ANKRD36C: variants seen among roughly 807,000 people sequenced by gnomAD.
ANKRD36C encodes the protein ankyrin repeat domain 36C, also known as ankyrin repeat domain-containing protein 36C.
In ANKRD36C, 61 loss-of-function variants were observed where a neutral mutation model predicts 276.4. The observed-to-expected ratio is 0.22, with a 90% confidence interval of 0.18 to 0.27. ANKRD36C has a LOEUF of 0.27. Ranked by LOEUF, ANKRD36C falls within the 10% of genes least tolerant of loss-of-function variation. ANKRD36C has a pLI of 1.00. For missense variants in ANKRD36C, 1,447 were observed against 2,032.3 expected, an observed-to-expected ratio of 0.71 and a Z score of 5.54; for synonymous variants, 483 against 680.1, an observed-to-expected ratio of 0.71 and a Z score of 4.51.
At chr2:95,930,504 T>C (rs796484558) in intron 24 of ANKRD36C, among the ~76,000 whole-genome samples, 1 of 151,682 alleles carries the variant, frequency 6.6e-6, no homozygotes, top group Non-Finnish European at 1.5e-5. Flanking sequence ...GCAGTTCAAC[T>C]TTCTCACTGT....
At chr2:95,872,795 G>A (rs979105092) in intron 59 of ANKRD36C, among the ~76,000 whole-genome samples, 1 of 152,188 alleles carries the variant, frequency 6.6e-6, no homozygotes, top group African/African-American at 2.4e-5. Context: ...AGAAAAGAGA[G>A]AAGAATCAAA....
At chr2:95,976,456 T>C (rs1431313185) in intron 6 of ANKRD36C, among the ~76,000 whole-genome samples, 1 of 152,176 alleles carries the variant, frequency 6.6e-6, no homozygotes, top group African/African-American at 2.4e-5. Flanking sequence ...TGCCAGACTT[T>C]TGTTTCAGAA....
intron 42 of ANKRD36C, among the ~76,000 whole-genome samples, chr2:95,911,720 G>T (rs1443393236): frequency 1.3e-5 from 2 of 151,428 alleles, no homozygotes; most frequent in Non-Finnish European, 1.5e-5. Context: ...GTTCACTCAG[G>T]ATTCCTCCGC....
rs576880168 is a variant in ANKRD36C at position 95,908,464 on chromosome 2, T to C, written c.2653+3780A>G. The C allele has an allele frequency of 6.2e-6, 9 of 1,461,980 alleles. No homozygotes were observed. The East Asian group carries it at 2.3e-4, about 37-fold the overall frequency. 90.6% of individuals were successfully genotyped at this position (1,461,980 alleles called of 1,614,324 possible). ...CACGGAAGAGAATTTCTTATCTATC[T>C]GGACTGAACATGACATTAAATCTCT... is the stretch of plus-strand genomic sequence containing the variant. On this transcript the variant is annotated intron_variant, in intron 42 of 66. Transcript: ENST00000456556.
chr2:95,965,104 C>T (rs1364304198), intron 6 of ANKRD36C, among the ~76,000 whole-genome samples: 1 of 151,904 alleles, frequency 6.6e-6, no homozygotes, highest in Non-Finnish European at 1.5e-5. Context: ...GAGATCCTTA[C>T]TAGATCCAAG....
At chr2:95,954,451 T>A (rs1436904568) in intron 13 of ANKRD36C, among the ~76,000 whole-genome samples, 2 of 152,306 alleles carry the variant, frequency 1.3e-5, no homozygotes, top group East Asian at 3.9e-4. Flanking sequence ...ATTATCTATT[T>A]CTGATTCAAA....
chr2:95,919,581 A>T lies in ANKRD36C; in HGVS notation c.2246-1539T>A, dbSNP rs1475071334. On this transcript the variant is annotated intron_variant, in intron 34 of 66. Transcript: ENST00000456556. ...GCCAACAGCATTAGCGTCTCCCAAG[A>T]AATTTATTACAAATGAAAAATCTCA... 1.5e-5 allele frequency among the ~76,000 whole-genome samples: 2 copies of T among 131,610 alleles called. 1 individual carries two copies. The highest frequency in any genetic ancestry group is 5.4e-4 in the East Asian group (2 of 3,712). 86.3% of individuals were successfully genotyped at this position (131,610 alleles called of 152,430 possible).
At chr2:95,909,163 G>C (rs1329331217) in intron 42 of ANKRD36C, among the ~76,000 whole-genome samples, 1 of 126,500 alleles carries the variant, frequency 7.9e-6, no homozygotes, top group Non-Finnish European at 1.7e-5. Context: ...ACACAATTAC[G>C]ACGACAATTC....
At chr2:95,937,583 C>T (rs1285452945) in intron 22 of ANKRD36C, among the ~76,000 whole-genome samples, 2 of 152,170 alleles carry the variant, frequency 1.3e-5, no homozygotes, top group Admixed American at 6.5e-5. Flanking sequence ...TTATAGGGCC[C>T]AACAAAGGGG....
At chr2:95,916,287 G>A in intron 36 of ANKRD36C, 116 bp from the exon 39 acceptor site, 2 of 1,520,302 alleles carry the variant, frequency 1.3e-6, no homozygotes, top group Non-Finnish European at 1.8e-6. Context: ...TGGAGGCTTT[G>A]ATGGCTTCTA....
Position 95,910,312 on chromosome 2 carries a change from G to C in ANKRD36C, c.2653+1932C>G, listed in dbSNP as rs917906633. 4.6e-5 allele frequency: 68 copies of C among 1,480,410 alleles called. No individual in the cohort carries two copies. The African/African-American group carries it at 8.2e-4, about 18-fold the overall frequency. 91.7% of individuals were successfully genotyped at this position (1,480,410 alleles called of 1,614,324 possible). On this transcript the variant is annotated intron_variant, in intron 42 of 66. Coordinates refer to ENST00000456556, the Ensembl canonical transcript of ANKRD36C. ...GACGAGCCACCCGCTGCTTTATTTG[G>C]AGAAGAGAACTTCTTATCTATCTGG...
rs1430764791 is a variant in ANKRD36C at position 95,890,141 on chromosome 2, C to T, written c.2858-147G>A. On this transcript the variant is annotated intron_variant, in intron 46 of 66. Transcript: ENST00000456556. The stretch of plus-strand genomic sequence containing the variant: ...TTCTATATTGTGTCGGGGACAAGAA[C>T]ATGACAGAAGTACACTGAAAAAAGG... 8.0e-6 allele frequency: 9 copies of T among 1,120,682 alleles called. No homozygotes were observed. The African/African-American group carries it at 1.4e-4, about 18-fold the overall frequency. The allele number at this position is 1,120,682 out of a possible 1,614,324, so 69.4% of individuals were successfully genotyped here.
intron 6 of ANKRD36C, among the ~76,000 whole-genome samples, chr2:95,966,173 TA>T (rs1678587135): frequency 6.6e-6 from 1 of 152,236 alleles, no homozygotes; most frequent in Non-Finnish European, 1.5e-5. Flanking sequence ...TTAGTTTAAT[TA>T]GATCCCATTT....
intron 34 of ANKRD36C, among the ~76,000 whole-genome samples, chr2:95,919,343 T>C (rs72931783): frequency 0.015 from 1,967 of 133,202 alleles, 264 homozygotes; most frequent in African/African-American, 0.048. Flanking sequence ...TTAATATCAG[T>C]TTTCTGTCTT....
chr2:95,967,648 G>A (rs982148665), intron 6 of ANKRD36C, among the ~76,000 whole-genome samples: 5 of 151,160 alleles, frequency 3.3e-5, no homozygotes, highest in Non-Finnish European at 5.9e-5. Context: ...GCATATACTC[G>A]GTGTGTGTGT....
At chr2:95,914,210 T>C in intron 39 of ANKRD36C, 30 bp from the exon 42 acceptor site, 1 of 1,569,258 alleles carries the variant, frequency 6.4e-7, no homozygotes, top group Non-Finnish European at 8.7e-7. Flanking sequence ...AAATAATAAG[T>C]TAATAAAGTA....
At chr2:95,957,045 G>C (rs1678344190) in intron 12 of ANKRD36C, among the ~76,000 whole-genome samples, 1 of 152,094 alleles carries the variant, frequency 6.6e-6, no homozygotes, top group African/African-American at 2.4e-5. Flanking sequence ...GCAGGGCTCG[G>C]TGGGTCACGC....
At chr2:95,873,190 C>T (rs1675857118) in intron 59 of ANKRD36C, among the ~76,000 whole-genome samples, 1 of 152,060 alleles carries the variant, frequency 6.6e-6, no homozygotes. Flanking sequence ...ATCCTGATAC[C>T]AAAGCCGGGC....
At position 95,984,517 on chromosome 2, in the gene ANKRD36C, T is replaced by A. The variant is rs148687305; in HGVS notation, c.487-2155A>T. On this transcript the variant is annotated intron_variant, in intron 3 of 66. Coordinates refer to ENST00000456556, the Ensembl canonical transcript of ANKRD36C. ...TATTTTTATATTTGCTGTGGATATG[T>A]CTCCAAGCGATTGTATGTAACGCAA... 6.4e-3 allele frequency among the ~76,000 whole-genome samples: 979 copies of A among 152,346 alleles called. 10 individuals carry two copies. The highest frequency in any genetic ancestry group is 5.7e-3 in the Non-Finnish European group (391 of 68,036).
Sources: allele counts gnomAD v4.1 joint callset (sites outside exome capture counted in the v4.1 genomes callset), GRCh38; gene constraint gnomAD v4.1.1; transcripts MANE v1.5; gene names NCBI Gene and HGNC (gene_info 2026-07-23, HGNC 2026-07-21).